SUGP1: variants seen among roughly 807,000 people sequenced by gnomAD.
SUGP1 encodes SURP and G-patch domain-containing protein 1.
A neutral mutation model predicts 76.5 loss-of-function variants in SUGP1; 34 were observed. The ratio of observed to expected loss-of-function variants is 0.44; its 90% confidence interval spans 0.34 to 0.59. The LOEUF (loss-of-function observed/expected upper bound fraction) is 0.59. SUGP1 is among the 20% of genes least tolerant of loss of function. The pLI is 0.01. For synonymous variants in SUGP1, 326 were observed against 326.2 expected, an observed-to-expected ratio of 1.00 and a Z score of 0.01; for missense variants, 752 against 851.7, an observed-to-expected ratio of 0.88 and a Z score of 1.46.
chr19:19,320,353 G>T, intron 1 of SUGP1, 110 bp downstream of exon 1: 1 of 1,226,910 alleles, frequency 8.2e-7, no homozygotes, highest in Non-Finnish European at 1.1e-6. Context: ...GCTGCCCCGG[G>T]GCTGAAGCGA....
rs1054805898 is a variant in SUGP1 at position 19,293,138 on chromosome 19, G to A, written c.1243+3851C>T. Among the ~76,000 whole-genome samples the A allele has an allele frequency of 1.4e-4, 21 of 151,328 alleles. 1 individual carries two copies. Among genetic ancestry groups the A allele is most frequent in the Non-Finnish European group, 5.9e-5 (4 of 67,902 alleles). On this transcript the variant is annotated intron_variant, in intron 8 of 13. Coordinates refer to ENST00000247001, the MANE Select transcript of SUGP1 (RefSeq NM_172231.4). The stretch of plus-strand genomic sequence containing the variant: ...TTGGCCAGGCTGGTCTTGAATTCCC[G>A]GCCTCAAGTAATCTGCCCACCTCAG...
chr19:19,305,544 AGCAAATGCGAGAAGG>A (rs1666491842), intron 4 of SUGP1: 1 of 275,756 alleles, frequency 3.6e-6, no homozygotes, highest in Non-Finnish European at 6.9e-6. Context: ...GCCCTTTTGG[AGCAAATGCGAGAAGG>A]GCGTGCGCCC....
chr19:19,297,169 C>A lies in SUGP1; in HGVS notation c.1063G>T (p.Ala355Ser), dbSNP rs749403249. 1.2e-6 allele frequency: 2 copies of A among 1,611,464 alleles called. No homozygotes were observed. Among genetic ancestry groups the A allele is most frequent in the Non-Finnish European group, 1.7e-6 (2 of 1,178,066 alleles). The change falls in exon 8 of 14, where the codon GCC (alanine) becomes TCC (serine). Residue 355 changes from alanine to serine, a missense_variant. By Grantham distance (99) the Ala-to-Ser change is moderately conservative (BLOSUM62 1). Transcript: ENST00000247001. The part of the protein sequence containing the change: ...GSLPPATTCP[A>S]SSTPAPTIIP... The stretch of plus-strand genomic sequence containing the variant: ...ATAGTGGGCGCAGGCGTGGACGAGG[C>A]GGGGCAGGTGGTGGCTGGGGGTAAG...
Position 19,303,334 on chromosome 19 carries a change from C to T in SUGP1, c.763+14G>A, listed in dbSNP as rs2061286539. ...AGGCCTCCCCAGAATCTCCCACCCG[C>T]TCCGTCCACCTACCTTTCTGAGAGG... On this transcript the variant is annotated intron_variant, in intron 6 of 13. Transcript: ENST00000247001. 2 of 1,611,716 alleles carry T rather than the reference C, an allele frequency of 1.2e-6. No homozygotes were observed. Among genetic ancestry groups the T allele is most frequent in the African/African-American group, 1.3e-5 (1 of 74,866 alleles).
Position 19,296,978 on chromosome 19 carries a change from G to T in SUGP1, c.1243+11C>A. On this transcript the variant is annotated intron_variant, in intron 8 of 13. Coordinates refer to ENST00000247001, the MANE Select transcript of SUGP1 (RefSeq NM_172231.4). ...CCTTCCAACACAGGGAGGGGGAGAGGGTCTGCCCACCTGACAGAGGCGAGG... is the reference window on the plus strand; with the variant it reads ...CCTTCCAACACAGGGAGGGGGAGAGTGTCTGCCCACCTGACAGAGGCGAGG... The T allele has an allele frequency of 6.4e-7, 1 of 1,558,226 alleles. No homozygotes were observed.
At position 19,282,416 on chromosome 19, in the gene SUGP1, T is replaced by C. The variant is rs147647840; in HGVS notation, c.1244-2125A>G. Reference sequence around the variant, plus strand: ...GAGTTTGAGACTAGCCTAGGCAACATAGTAAGACCCCATCTCTATTTATGT... The same window carrying C: ...GAGTTTGAGACTAGCCTAGGCAACACAGTAAGACCCCATCTCTATTTATGT... On this transcript the variant is annotated intron_variant, in intron 8 of 13. Transcript: ENST00000247001. Among the ~76,000 whole-genome samples the C allele has an allele frequency of 1.7e-4, 25 of 147,068 alleles. No individual in the cohort carries two copies. The East Asian group carries it at 3.4e-3, about 20-fold the overall frequency.
intron 8 of SUGP1, among the ~76,000 whole-genome samples, chr19:19,285,524 A>T (rs1307425775): frequency 1.3e-5 from 2 of 152,030 alleles, no homozygotes; most frequent in African/African-American, 4.8e-5. Context: ...GAGCCAAAAA[A>T]GACATTAGTA....
chr19:19,297,287 C>T lies in SUGP1; in HGVS notation c.945G>A (p.Glu315=). The T allele has an allele frequency of 1.3e-6, 2 of 1,548,438 alleles. No homozygotes were observed. The highest frequency in any genetic ancestry group is 1.2e-5 in the South Asian group (1 of 82,450). ...GYKYYRQKLE[E]FRKAKASSTG... The stretch of plus-strand genomic sequence containing the variant: ...TGGAGCTGGCCTTGGCTTTCCGGAA[C>T]TCCTCCAGCTTCTGTCGGTAGTACT... Residue 315 remains glutamate (E), a synonymous_variant, in exon 8 of 14, where the codon GAG becomes GAA. Coordinates refer to ENST00000247001, the MANE Select transcript of SUGP1 (RefSeq NM_172231.4).
intron 1 of SUGP1, 135 bp from the exon 2 acceptor site, chr19:19,316,728 A>C (rs1158095674): frequency 7.2e-6 from 7 of 972,532 alleles, no homozygotes; most frequent in African/African-American, 3.3e-5. Context: ...GCAAACACTT[A>C]CAGAGTGCCT....
intron 2 of SUGP1, among the ~76,000 whole-genome samples, chr19:19,313,027 A>T (rs920896534): frequency 2.0e-5 from 3 of 151,842 alleles, no homozygotes; most frequent in Admixed American, 6.6e-5. Flanking sequence ...TAAATAAAAA[A>T]AAACAAAAGG....
intron 8 of SUGP1, chr19:19,280,672 A>G: frequency 4.7e-6 from 1 of 210,804 alleles, no homozygotes; most frequent in Non-Finnish European, 9.7e-6. Flanking sequence ...GGGCGCACGC[A>G]CAAACGGGCT....
intron 1 of SUGP1, among the ~76,000 whole-genome samples, chr19:19,318,091 G>C (rs1347880056): frequency 6.8e-6 from 1 of 146,196 alleles, no homozygotes; most frequent in Non-Finnish European, 1.5e-5. Context: ...AATTACAGGC[G>C]TGAGCCACCG....
chr19:19,316,246 C>T (rs2061393153), intron 2 of SUGP1, 176 bp downstream of exon 2: 3 of 753,296 alleles, frequency 4.0e-6, no homozygotes, highest in South Asian at 3.8e-5. Flanking sequence ...CTTCCACATA[C>T]CCCTCATTTC....
At chr19:19,280,477 A>C in intron 8 of SUGP1, 186 bp from the exon 9 acceptor site, 1 of 587,210 alleles carries the variant, frequency 1.7e-6, no homozygotes, top group Non-Finnish European at 3.1e-6. Flanking sequence ...TGCCACGTGC[A>C]CCCCCGCATC....
At chr19:19,282,262 G>C (rs755787427) in intron 8 of SUGP1, among the ~76,000 whole-genome samples, 46 of 151,410 alleles carry the variant, frequency 3.0e-4, no homozygotes, top group Non-Finnish European at 5.7e-4. Flanking sequence ...TTACAGGCGT[G>C]AGCCACCACA....
At chr19:19,314,317 G>A (rs938317166) in intron 2 of SUGP1, among the ~76,000 whole-genome samples, 3 of 151,332 alleles carry the variant, frequency 2.0e-5, no homozygotes, top group African/African-American at 4.9e-5. Context: ...AGCAAGACTC[G>A]TCTCAAAAAT....
At position 19,277,784 on chromosome 19, in the gene SUGP1, C is replaced by T; in HGVS notation, c.1731G>A (p.Glu577=). 6.2e-7 allele frequency: 1 copy of T among 1,614,092 alleles called. No individual in the cohort carries two copies. The highest frequency in any genetic ancestry group is 8.5e-7 in the Non-Finnish European group (1 of 1,180,000). ...GGCCCTCTGAGCCCAGCCCCTCGCC[C>T]TCCTTCCAGCCCATCTTCATCAGCA... ...YQMLMKMGWK[E]GEGLGSEGQG... The change falls in exon 12 of 14, where the codon GAG becomes GAA. Residue 577 remains glutamate, a synonymous_variant. Transcript: ENST00000247001.
chr19:19,277,584 C>T lies in SUGP1; in HGVS notation c.1781+150G>A. On this transcript the variant is annotated intron_variant, in intron 12 of 13. Transcript: ENST00000247001. ...CCCGTATGGCCTCCTGCACTGCAGG[C>T]CTGTGCCTGACAAGGGGTGTGCAGT... 4.6e-6 allele frequency: 5 copies of T among 1,079,898 alleles called. No homozygotes were observed. In the East Asian group the frequency reaches 7.8e-5, roughly 17 times the overall value. 66.9% of individuals were successfully genotyped at this position (1,079,898 alleles called of 1,614,324 possible).
intron 8 of SUGP1, among the ~76,000 whole-genome samples, chr19:19,281,992 T>G (rs1029435970): frequency 3.3e-5 from 5 of 152,204 alleles, no homozygotes; most frequent in African/African-American, 1.2e-4. Context: ...TTCTTTCATT[T>G]TTCCCGAGAT....
Sources: allele counts gnomAD v4.1 joint callset (sites outside exome capture counted in the v4.1 genomes callset), GRCh38; gene constraint gnomAD v4.1.1; transcripts MANE v1.5; gene names NCBI Gene and HGNC (gene_info 2026-07-23, HGNC 2026-07-21).